The following SPATA22 variants were observed in gnomAD, a reference collection of about 807,000 sequenced individuals.
SPATA22 encodes the protein spermatogenesis-associated protein 22.
SPATA22 carries 29 observed loss-of-function variants against 47.8 expected under a neutral mutation model. That is an observed-to-expected ratio of 0.61 (90% confidence interval 0.45 to 0.83). The LOEUF is 0.83. SPATA22 is among the 40% of genes least tolerant of loss of function. SPATA22 has a pLI of 0.00. For missense variants in SPATA22, 410 were observed against 421.7 expected, an observed-to-expected ratio of 0.97 and a Z score of 0.24; for synonymous variants, 133 against 140.9, an observed-to-expected ratio of 0.94 and a Z score of 0.40.
chr17:3,462,644 C>A, intron 4 of SPATA22, 63 bp downstream of exon 4: 1 of 1,573,086 alleles, frequency 6.4e-7, no homozygotes, highest in Non-Finnish European at 8.7e-7. Context: ...TTAAGATATA[C>A]GTAGAAGAAC....
At chr17:3,475,863 A>G (rs1424933254), upstream of SPATA22, 6 of 407,092 alleles carry the variant, frequency 1.5e-5, no homozygotes, top group Non-Finnish European at 2.7e-5. Context: ...TTATTACTGT[A>G]TTTAGATCTA....
chr17:3,498,024 C>G (rs1220182255), intron 1 of SPATA22, among the ~76,000 whole-genome samples: 1 of 152,162 alleles, frequency 6.6e-6, no homozygotes, highest in Admixed American at 6.5e-5. Flanking sequence ...AGTTGTTACC[C>G]TAATGTAGGA....
Position 3,489,234 on chromosome 17 carries a change from G to A in SPATA22, c.-73-19836C>T. 6.3e-7 allele frequency: 1 copy of A among 1,588,058 alleles called. No homozygotes were observed. The highest frequency in any genetic ancestry group is 8.6e-7 in the Non-Finnish European group (1 of 1,157,932). ...GTGACTATCTCTCCTTCTGTACCTA[G>A]GTATAGAAGTTGGTCCTCAGCCTCA... On this transcript the variant is annotated intron_variant, in intron 1 of 8. Transcript: ENST00000541913.
intron 1 of SPATA22, among the ~76,000 whole-genome samples, chr17:3,506,180 G>C (rs2074038944): frequency 1.3e-5 from 2 of 152,156 alleles, no homozygotes; most frequent in African/African-American, 4.8e-5. Flanking sequence ...TCTAGTACTT[G>C]GCAGACAGTA....
intron 1 of SPATA22, among the ~76,000 whole-genome samples, chr17:3,498,697 T>G (rs899254879): frequency 6.6e-5 from 10 of 152,194 alleles, no homozygotes; most frequent in African/African-American, 2.4e-4. Context: ...AAAGGGGAAC[T>G]CTTAAAACTA....
chr17:3,441,848 T>C (rs1432838948), intron 8 of SPATA22: 2 of 120,988 alleles, frequency 1.7e-5, no homozygotes, highest in South Asian at 2.6e-4. Context: ...ACACACAACA[T>C]AGATGAATCT....
chr17:3,445,142 A>C (rs1378211687), intron 7 of SPATA22, among the ~76,000 whole-genome samples: 1 of 152,112 alleles, frequency 6.6e-6, no homozygotes, highest in East Asian at 1.9e-4. Flanking sequence ...TTCACACAGG[A>C]AAAAGCAATT....
At chr17:3,505,760 T>TTTG (rs2074035284) in intron 1 of SPATA22, among the ~76,000 whole-genome samples, 2 of 23,722 alleles carry the variant, frequency 8.4e-5, no homozygotes, top group Admixed American at 7.7e-4. Flanking sequence ...TTTTTTGTTT[T>TTTG]TTTTTTTTTG....
At position 3,445,808 on chromosome 17, in the gene SPATA22, C is replaced by CAT. The variant is rs374988999; in HGVS notation, c.802+662_802+663dup. Among the ~76,000 whole-genome samples the CAT allele has an allele frequency of 8.0e-3, 1,205 of 151,508 alleles. 35 individuals are homozygous for CAT. The highest frequency in any genetic ancestry group is 0.049 in the Admixed American group (743 of 15,194). On this transcript the variant is annotated intron_variant, in intron 7 of 8. Transcript: ENST00000572969. Reference sequence around the variant, plus strand: ...CTATATATACACACATTTATATTTACATATATATATATAACAGGACAAAAG... The same window carrying CAT: ...CTATATATACACACATTTATATTTACATATATATATATATAACAGGACAAAAG...
chr17:3,474,819 A>G (rs1426754350), upstream of SPATA22, among the ~76,000 whole-genome samples: 1 of 152,234 alleles, frequency 6.6e-6, no homozygotes, highest in Non-Finnish European at 1.5e-5. Flanking sequence ...TAGAACTGTG[A>G]AGAAGACCAA....
intron 1 of SPATA22, chr17:3,481,863 G>A: frequency 7.2e-7 from 1 of 1,385,956 alleles, no homozygotes; most frequent in South Asian, 1.3e-5. Context: ...AATTATGGAT[G>A]TGAGACAATC....
chr17:3,506,234 G>C (rs1015942962), intron 1 of SPATA22, among the ~76,000 whole-genome samples: 7 of 152,152 alleles, frequency 4.6e-5, no homozygotes. Flanking sequence ...GGGTCACTCA[G>C]AGAGGACTTC....
In SPATA22 at chr17:3,440,269, T is replaced by A. The variant is rs757337499; in HGVS notation, c.970A>T (p.Asn324Tyr). Residue 324 changes from asparagine (N) to tyrosine (Y), a missense_variant, in exon 9 of 9, where the codon AAC (asparagine) becomes TAC (tyrosine). Coordinates refer to ENST00000572969, the MANE Select transcript of SPATA22 (RefSeq NM_001170698.2). ...CTGACAGAAACACATTGGAAAATGT[T>A]CTTTTTCTGGTCATAGTTGCCAACA... ...RCVGNYDQKK[N>Y]IFQCVSVRPA... is the part of the protein sequence containing the mutation. 6.2e-7 allele frequency: 1 copy of A among 1,611,186 alleles called. No individual in the cohort carries two copies. Among genetic ancestry groups the A allele is most frequent in the Non-Finnish European group, 8.5e-7 (1 of 1,178,284 alleles).
chr17:3,451,715 G>A (rs943224452), intron 5 of SPATA22, among the ~76,000 whole-genome samples: 8 of 152,060 alleles, frequency 5.3e-5, no homozygotes, highest in Non-Finnish European at 1.0e-4. Flanking sequence ...TTGGGAGGCC[G>A]AGGTGGGCGG....
chr17:3,495,026 A>C (rs911458215), intron 1 of SPATA22, among the ~76,000 whole-genome samples: 18 of 151,412 alleles, frequency 1.2e-4, no homozygotes, highest in Non-Finnish European at 8.8e-5. Flanking sequence ...CCATTCCCCA[A>C]CTCTCCTCAG....
chr17:3,475,252 C>A (rs80039252), upstream of SPATA22, among the ~76,000 whole-genome samples: 550 of 152,234 alleles, frequency 3.6e-3, 5 homozygotes, highest in African/African-American at 0.012. Flanking sequence ...AATAAGACCC[C>A]TTTTTGAGTA....
At chr17:3,510,216 C>T (rs987385001) in intron 1 of SPATA22, among the ~76,000 whole-genome samples, 5 of 152,162 alleles carry the variant, frequency 3.3e-5, no homozygotes, top group Non-Finnish European at 7.3e-5. Flanking sequence ...GGCTGTGAAT[C>T]CCTGGGCACA....
intron 1 of SPATA22, chr17:3,489,227 G>C: frequency 6.6e-7 from 1 of 1,522,570 alleles, no homozygotes. Flanking sequence ...CTCTCCTTCT[G>C]TACCTAGGTA....
At chr17:3,475,410 G>A (rs368966195), upstream of SPATA22, 13 of 152,256 alleles carry the variant, frequency 8.5e-5, no homozygotes, top group African/African-American at 2.7e-4. Context: ...CTTTCCTTTG[G>A]TATTTAGGCA....
Sources: gnomAD v4.1 joint callset for allele counts (sites outside exome capture counted in the v4.1 genomes callset) on GRCh38, gnomAD v4.1.1 for gene constraint, MANE v1.5 for transcripts, NCBI Gene and HGNC (gene_info 2026-07-23, HGNC 2026-07-21) for gene names.